Variants in DYRK2 observed in about 807,000 individuals in gnomAD.
DYRK2 encodes the protein dual specificity tyrosine-phosphorylation-regulated kinase 2.
DYRK2 carries 12 observed loss-of-function variants against 41.6 expected under a neutral mutation model. The ratio of observed to expected loss-of-function variants is 0.29; its 90% CI spans 0.18 to 0.47. The LOEUF (loss-of-function observed/expected upper bound fraction) is 0.47, where lower values mean the gene tolerates loss of function less well. Ranked by LOEUF, DYRK2 falls within the 20% of genes least tolerant of loss-of-function variation. DYRK2 has a pLI of 1.00. For synonymous variants in DYRK2, 322 were observed against 315.7 expected, an observed-to-expected ratio of 1.02 and a Z score of -0.21; for missense variants, 678 against 798.4, an observed-to-expected ratio of 0.85 and a Z score of 1.82.
Position 67,662,989 on chromosome 12 carries a change from A to C in DYRK2, c.*4276A>C, listed in dbSNP as rs887434083. 3 of 151,956 alleles carry C rather than the reference A, an allele frequency of 2.0e-5. No individual in the cohort carries two copies. The highest frequency in any genetic ancestry group is 2.9e-5 in the Non-Finnish European group (2 of 67,966). 9.4% of individuals were successfully genotyped at this position (151,956 alleles called of 1,614,324 possible). A position where few individuals can be genotyped will look rare whatever the true frequency, so the allele number is the denominator to read the frequency against. Reference sequence around the variant, plus strand: ...GTGTTCTTTATTATGCTAGAGCTTCATATCTTCTTTTATTTTAACCTTCAC... The same window carrying C: ...GTGTTCTTTATTATGCTAGAGCTTCCTATCTTCTTTTATTTTAACCTTCAC... On this transcript the variant is annotated 3_prime_UTR_variant, in exon 3 of 3. Coordinates refer to ENST00000344096, the MANE Select transcript of DYRK2 (RefSeq NM_006482.3).
At position 67,657,040 on chromosome 12, in the gene DYRK2, G is replaced by A. The variant is rs2120832937; in HGVS notation, c.199-66G>A. 2.1e-6 allele frequency: 3 copies of A among 1,455,566 alleles called. No homozygotes were observed. Among genetic ancestry groups the A allele is most frequent in the Middle Eastern group, 1.8e-4 (1 of 5,452 alleles). 90.2% of individuals were successfully genotyped at this position (1,455,566 alleles called of 1,614,324 possible). On this transcript the variant is annotated intron_variant, in intron 2 of 2. Coordinates refer to ENST00000344096, the MANE Select transcript of DYRK2 (RefSeq NM_006482.3). This position sits in a 1 kb window ranked among gnomAD's most constrained non-coding sequence, Gnocchi z 4.8. ...GTTGGGGGCGGTGGTGTTGTTGGGG[G>A]TTACTTATACACCATTTGAACAGAC... is the stretch of plus-strand genomic sequence containing the variant.
At chr12:67,656,211 C>T (rs762090888) in intron 2 of DYRK2, among the ~76,000 whole-genome samples, 4 of 152,148 alleles carry the variant, frequency 2.6e-5, no homozygotes, top group Admixed American at 1.3e-4. Context: ...GGCTGGGGTC[C>T]CTTGGTTCAC....
intron 2 of DYRK2, among the ~76,000 whole-genome samples, chr12:67,653,528 T>C (rs1323615983): frequency 1.3e-5 from 2 of 152,204 alleles, no homozygotes; most frequent in African/African-American, 2.4e-5. Flanking sequence ...CATGGTTTGA[T>C]TGATGTGTCT....
rs1329601422 is a variant in DYRK2 at position 67,660,540 on chromosome 12, T to C, written c.*1827T>C. The C allele has an allele frequency of 6.0e-6, 1 of 167,112 alleles. No individual in the cohort carries two copies. The highest frequency in any genetic ancestry group is 1.9e-4 in the East Asian group (1 of 5,206). 10.4% of individuals were successfully genotyped at this position (167,112 alleles called of 1,614,324 possible). A position where few individuals can be genotyped will look rare whatever the true frequency, so the allele number is the denominator to read the frequency against. ...TCACTGATAAATTAATTTGTACTTC[T>C]GTGTTTAGAAATTATAGCTTCTTTT... On this transcript the variant is annotated 3_prime_UTR_variant, in exon 3 of 3. Transcript: ENST00000344096.
rs1420407460 is a variant in DYRK2, at chr12:67,659,016, C to A, written c.*303C>A. The A allele has an allele frequency of 2.4e-5, 6 of 250,870 alleles. No homozygotes were observed. The highest frequency in any genetic ancestry group is 1.1e-4 in the African/African-American group (5 of 43,806). The allele number at this position is 250,870 out of a possible 1,614,324, so 15.5% of individuals were successfully genotyped here. ...CAGGCCACTGATTACTTCATGACTG[C>A]CACGCATTTACAGATTGGTGTCAAA... On this transcript the variant is annotated 3_prime_UTR_variant, in exon 3 of 3. Coordinates refer to ENST00000344096, the MANE Select transcript of DYRK2 (RefSeq NM_006482.3).
rs1872700159 is a variant in DYRK2 at position 67,664,526 on chromosome 12, C to T, written c.*5813C>T. ...ATACATCCCTATGAGCTATAATTAT[C>T]CTCATTTGATACTTGAGGAAACTGA... is the stretch of plus-strand genomic sequence containing the variant. On this transcript the variant is annotated 3_prime_UTR_variant, in exon 3 of 3. Coordinates refer to ENST00000344096, the MANE Select transcript of DYRK2 (RefSeq NM_006482.3). 6.7e-6 allele frequency: 1 copy of T among 150,352 alleles called. No individual in the cohort carries two copies. Among genetic ancestry groups the T allele is most frequent in the South Asian group, 2.1e-4 (1 of 4,682 alleles). 9.3% of individuals were successfully genotyped at this position (150,352 alleles called of 1,614,324 possible).
Position 67,657,926 on chromosome 12 carries a change from A to G in DYRK2, c.1019A>G (p.His340Arg), listed in dbSNP as rs776636794. ...ATTCTGCAGTGCTTGGATGCTTTGCACAAAAACAGAATAATTCACTGTGAC... is the reference window on the plus strand; with the variant it reads ...ATTCTGCAGTGCTTGGATGCTTTGCGCAAAAACAGAATAATTCACTGTGAC... ...HSILQCLDAL[H>R]KNRIIHCDLK... Residue 340 changes from histidine (H) to arginine (R), a missense_variant, in exon 3 of 3, where the codon CAC (histidine) becomes CGC (arginine). This residue lies in a region of DYRK2 where 393 missense variants were observed against 519.1 expected (regional missense o/e 0.76). Coordinates refer to ENST00000344096, the MANE Select transcript of DYRK2 (RefSeq NM_006482.3). The surrounding 1 kb of genome is among the most constrained non-coding windows in gnomAD (Gnocchi z 4.8). 1 of 1,614,242 alleles carries G rather than the reference A, an allele frequency of 6.2e-7. No homozygotes were observed. The highest frequency in any genetic ancestry group is 8.5e-7 in the Non-Finnish European group (1 of 1,180,048).
Position 67,658,340 on chromosome 12 carries a change from A to G in DYRK2, c.1433A>G (p.Asn478Ser). ...TTLSDGSVVL[N>S]GGRSRRGKLR... ...CTCTCAGATGGCTCTGTGGTCCTAA[A>G]CGGAGGCCGTTCCCGGAGGGGGAAA... The change falls in exon 3 of 3, where the codon AAC (asparagine) becomes AGC (serine). Residue 478 changes from asparagine to serine, a missense_variant. By Grantham distance (46) the Asn-to-Ser change is conservative. This residue lies in a region of DYRK2 where 393 missense variants were observed against 519.1 expected (regional missense o/e 0.76). Transcript: ENST00000344096. The surrounding 1 kb of genome is among the most constrained non-coding windows in gnomAD (Gnocchi z 4.3). The G allele has an allele frequency of 6.2e-7, 1 of 1,613,304 alleles. No homozygotes were observed. Among genetic ancestry groups the G allele is most frequent in the African/African-American group, 1.3e-5 (1 of 75,006 alleles).
At position 67,649,866 on chromosome 12, in the gene DYRK2, G is replaced by T; in HGVS notation, c.119G>T (p.Ser40Ile). The change falls in exon 2 of 3, where the codon AGC (serine) becomes ATC (isoleucine). Residue 40 changes from serine to isoleucine, a missense_variant. This residue lies in a region of DYRK2 where 285 missense variants were observed against 279.2 expected (regional missense o/e 1.02). Transcript: ENST00000344096. ...SPGLGAGATR[S>I]GVGTGPPSPI... ...GGGCTCGGTGCAGGGGCCACCCGGA[G>T]CGGAGTGGGGACTGGCCCGCCCTCC... 7.3e-7 allele frequency: 1 copy of T among 1,366,782 alleles called. No individual in the cohort carries two copies. The highest frequency in any genetic ancestry group is 2.2e-5 in the South Asian group (1 of 46,102). The allele number at this position is 1,366,782 out of a possible 1,614,324, so 84.7% of individuals were successfully genotyped here.
Position 67,648,920 on chromosome 12 carries a change from CGAG to C in DYRK2, c.-207_-205del, listed in dbSNP as rs757565274. The C allele has an allele frequency of 4.1e-5, 15 of 364,230 alleles. No homozygotes were observed. The East Asian group carries it at 4.7e-4, about 11-fold the overall frequency. The allele number at this position is 364,230 out of a possible 1,614,324, so 22.6% of individuals were successfully genotyped here. A position where few individuals can be genotyped will look rare whatever the true frequency, so the allele number is the denominator to read the frequency against. The stretch of plus-strand genomic sequence containing the variant: ...CGCCCGAGGAAGAGGAGGACGGCGG[CGAG>C]GAGGAGAGCGGGGGGCTCGCGGCGG... On this transcript the variant is annotated 5_prime_UTR_variant, in exon 1 of 3. Transcript: ENST00000344096.
At position 67,659,595 on chromosome 12, in the gene DYRK2, A is replaced by G. The variant is rs1872571882; in HGVS notation, c.*882A>G. The G allele has an allele frequency of 6.0e-6, 1 of 166,898 alleles. No homozygotes were observed. Among genetic ancestry groups the G allele is most frequent in the Non-Finnish European group, 1.5e-5 (1 of 68,120 alleles). The allele number at this position is 166,898 out of a possible 1,614,324, so 10.3% of individuals were successfully genotyped here. On this transcript the variant is annotated 3_prime_UTR_variant, in exon 3 of 3. Coordinates refer to ENST00000344096, the MANE Select transcript of DYRK2 (RefSeq NM_006482.3). Reference sequence around the variant, plus strand: ...GCTGTGTATCCCAGACTGTTAATACAGAAAAGAGACATTTCAGCTGTGATT... The same window carrying G: ...GCTGTGTATCCCAGACTGTTAATACGGAAAAGAGACATTTCAGCTGTGATT...
At chr12:67,652,269 A>G (rs1872343835) in intron 2 of DYRK2, among the ~76,000 whole-genome samples, 1 of 152,140 alleles carries the variant, frequency 6.6e-6, no homozygotes, top group South Asian at 2.1e-4. Context: ...AAGTGTGCCC[A>G]ATCACTGTCT....
rs201048832 is a variant in DYRK2, at chr12:67,657,727, C to G, written c.820C>G (p.Arg274Gly). ...GGAGATCCGAATCCTGGAACACCTGCGGAAGCAGGACAAGGATAACACAAT... is the reference window on the plus strand; with the variant it reads ...GGAGATCCGAATCCTGGAACACCTGGGGAAGCAGGACAAGGATAACACAAT... ...AEEIRILEHL[R>G]KQDKDNTMNV... The change falls in exon 3 of 3, where the codon CGG becomes GGG. Residue 274 changes from arginine (R) to glycine (G), a missense_variant. This residue lies in a region of DYRK2 where 393 missense variants were observed against 519.1 expected (regional missense o/e 0.76). Coordinates refer to ENST00000344096, the MANE Select transcript of DYRK2 (RefSeq NM_006482.3). This position sits in a 1 kb window ranked among gnomAD's most constrained non-coding sequence, Gnocchi z 4.8. 6 of 1,614,124 alleles carry G rather than the reference C, an allele frequency of 3.7e-6. No individual in the cohort carries two copies. Among genetic ancestry groups the G allele is most frequent in the Non-Finnish European group, 5.1e-6 (6 of 1,180,020 alleles).
Position 67,664,837 on chromosome 12 carries a change from A to ATT in DYRK2, c.*6126_*6127dup. On this transcript the variant is annotated 3_prime_UTR_variant, in exon 3 of 3. Coordinates refer to ENST00000344096, the MANE Select transcript of DYRK2 (RefSeq NM_006482.3). ...ATGCATGTGCACACACCCTCAGTTA[A>ATT]TTTGTAAGAGAGTGACTTCTCATTG... 1 of 152,306 alleles carries ATT rather than the reference A, an allele frequency of 6.6e-6. No homozygotes were observed. The highest frequency in any genetic ancestry group is 2.4e-5 in the African/African-American group (1 of 41,580). 9.4% of individuals were successfully genotyped at this position (152,306 alleles called of 1,614,324 possible).
rs1245945003 is a variant in DYRK2, at chr12:67,660,824, A to G, written c.*2111A>G. The G allele has an allele frequency of 1.2e-5, 2 of 167,032 alleles. No homozygotes were observed. The highest frequency in any genetic ancestry group is 2.4e-5 in the African/African-American group (1 of 41,560). The allele number at this position is 167,032 out of a possible 1,614,324, so 10.3% of individuals were successfully genotyped here. A position where few individuals can be genotyped will look rare whatever the true frequency, so the allele number is the denominator to read the frequency against. ...TAGGTCATTAAATCAATAAAAACAT[A>G]TAATGCTGTTTTGCTCTTCTAATGC... On this transcript the variant is annotated 3_prime_UTR_variant, in exon 3 of 3. Transcript: ENST00000344096.
chr12:67,656,357 C>G (rs1872467698), intron 2 of DYRK2, among the ~76,000 whole-genome samples: 1 of 152,154 alleles, frequency 6.6e-6, no homozygotes, highest in Non-Finnish European at 1.5e-5. Context: ...GAGAGCTGAG[C>G]CACTGACCCC....
chr12:67,653,243 T>A (rs186079793), intron 2 of DYRK2, among the ~76,000 whole-genome samples: 18 of 152,324 alleles, frequency 1.2e-4, no homozygotes, highest in African/African-American at 3.8e-4. Flanking sequence ...TTAGTATCCT[T>A]AAGTTTATGA....
rs1872622316 is a variant in DYRK2, at chr12:67,661,480, T to C, written c.*2767T>C. ...GGAACAACAGAGTGGTGCAAGACAC[T>C]GTAGATTAACGGTAGAGGAGAAATT... is the stretch of plus-strand genomic sequence containing the variant. On this transcript the variant is annotated 3_prime_UTR_variant, in exon 3 of 3. Transcript: ENST00000344096. 1.2e-5 allele frequency: 2 copies of C among 167,108 alleles called. No homozygotes were observed. The highest frequency in any genetic ancestry group is 4.8e-5 in the African/African-American group (2 of 41,468). The allele number at this position is 167,108 out of a possible 1,614,324, so 10.4% of individuals were successfully genotyped here. A position where few individuals can be genotyped will look rare whatever the true frequency, so the allele number is the denominator to read the frequency against.
At chr12:67,649,623 C>A in intron 1 of DYRK2, 174 bp from the exon 2 acceptor site, 2 of 748,420 alleles carry the variant, frequency 2.7e-6, no homozygotes, top group Non-Finnish European at 3.7e-6. Flanking sequence ...CCGCGCCCCG[C>A]CCGTGGGTGT....
Sources: allele counts gnomAD v4.1 joint callset (sites outside exome capture counted in the v4.1 genomes callset), GRCh38; gene constraint gnomAD v4.1.1; regional missense constraint gnomAD v4.1.1; non-coding constraint Gnocchi (gnomAD v3.1); transcripts MANE v1.5; gene names NCBI Gene and HGNC (gene_info 2026-07-23, HGNC 2026-07-21).